Variants in IL1R1 observed in about 807,000 individuals in gnomAD.
The protein encoded by IL1R1 is interleukin-1 receptor type 1.
IL1R1 carries 22 observed loss-of-function variants against 50.2 expected under a neutral mutation model. That is an observed-to-expected ratio of 0.44 (90% CI 0.31 to 0.63). The LOEUF is 0.63. Among genes scored for constraint, IL1R1 ranks in the 20% least tolerant of loss-of-function variants. IL1R1 has a pLI of 0.07. For missense variants in IL1R1, 509 were observed against 676.2 expected, an observed-to-expected ratio of 0.75 and a Z score of 2.74; for synonymous variants, 251 against 236.7, an observed-to-expected ratio of 1.06 and a Z score of -0.55.
At chr2:102,103,541 G>A (rs1041794172), upstream of IL1R1, among the ~76,000 whole-genome samples, 37 of 152,208 alleles carry the variant, frequency 2.4e-4, 1 homozygote, top group Admixed American at 2.0e-3. Context: ...ACAGGAAAGT[G>A]TGTGAGACCA....
chr2:102,111,690 C>G (rs956186870), intron 1 of IL1R1, among the ~76,000 whole-genome samples: 24 of 152,088 alleles, frequency 1.6e-4, no homozygotes, highest in Non-Finnish European at 2.6e-4. Flanking sequence ...AGGAAGGGGA[C>G]AGTGAAGAGG....
intron 1 of IL1R1, among the ~76,000 whole-genome samples, chr2:102,071,315 G>T (rs1015005809): frequency 3.3e-5 from 5 of 151,940 alleles, no homozygotes; most frequent in African/African-American, 1.2e-4. Flanking sequence ...AACTAAATAG[G>T]GTGATATCAC....
intron 1 of IL1R1, among the ~76,000 whole-genome samples, chr2:102,145,859 C>G (rs532190336): frequency 1.3e-5 from 2 of 152,262 alleles, no homozygotes. Context: ...TTCAAAGCCC[C>G]CCAGGTAGCC....
upstream of IL1R1, among the ~76,000 whole-genome samples, chr2:102,102,216 A>G (rs899508718): frequency 5.9e-5 from 9 of 152,194 alleles, no homozygotes; most frequent in African/African-American, 1.9e-4. Flanking sequence ...ACCAGGAAGT[A>G]TGAGACAATG....
chr2:102,174,460 T>C (rs2104640387), intron 9 of IL1R1, 127 bp from the exon 10 acceptor site: 1 of 614,314 alleles, frequency 1.6e-6, no homozygotes, highest in Non-Finnish European at 2.7e-6. Flanking sequence ...TGAGTTAATA[T>C]TGTCTGAATG....
chr2:102,084,523 C>G (rs767791436), intron 1 of IL1R1, among the ~76,000 whole-genome samples: 3 of 152,114 alleles, frequency 2.0e-5, no homozygotes, highest in Non-Finnish European at 4.4e-5. Context: ...TCTTTTCAAA[C>G]TTTTAAATGA....
intron 1 of IL1R1, among the ~76,000 whole-genome samples, chr2:102,121,728 C>G (rs576297743): frequency 2.6e-5 from 4 of 152,258 alleles, no homozygotes; most frequent in Non-Finnish European, 5.9e-5. Context: ...TTTTTAAAAC[C>G]ACATTTTAAC....
chr2:102,144,315 A>C (rs558335561), intron 1 of IL1R1, among the ~76,000 whole-genome samples: 1 of 152,244 alleles, frequency 6.6e-6, no homozygotes, highest in South Asian at 2.1e-4. Context: ...CTGTGTGTGA[A>C]GCGTCTCCTG....
At chr2:102,089,096 A>C (rs1679550547) in intron 1 of IL1R1, among the ~76,000 whole-genome samples, 1 of 152,156 alleles carries the variant, frequency 6.6e-6, no homozygotes, top group African/African-American at 2.4e-5. Flanking sequence ...TAGCACTTTT[A>C]ATGTCCTTCA....
intron 1 of IL1R1, among the ~76,000 whole-genome samples, chr2:102,074,342 T>A (rs957425450): frequency 1.3e-5 from 2 of 152,152 alleles, no homozygotes; most frequent in Admixed American, 6.5e-5. Flanking sequence ...ACACGTCTGG[T>A]GCTTTGGTGA....
intron 3 of IL1R1, among the ~76,000 whole-genome samples, chr2:102,160,377 T>C (rs1029108525): frequency 6.6e-6 from 1 of 152,182 alleles, no homozygotes; most frequent in Non-Finnish European, 1.5e-5. Context: ...TTCTATTTCA[T>C]TGATTTCCTC....
intron 3 of IL1R1, among the ~76,000 whole-genome samples, chr2:102,160,182 G>A (rs184305498): frequency 3.3e-5 from 5 of 152,092 alleles, no homozygotes; most frequent in Admixed American, 6.5e-5. Context: ...TTTCATTTAC[G>A]TTATTAAATT....
chr2:102,174,785 A>C, intron 10 of IL1R1, 55 bp downstream of exon 10: 1 of 1,428,650 alleles, frequency 7.0e-7, no homozygotes, highest in South Asian at 1.3e-5. Flanking sequence ...GATAGTTAGG[A>C]GATGTAGAAG....
chr2:102,176,188 TA>T, intron 11 of IL1R1, 164 bp from the exon 12 acceptor site: 1 of 619,998 alleles, frequency 1.6e-6, no homozygotes, highest in Non-Finnish European at 2.7e-6. Flanking sequence ...GACTGTCTCT[TA>T]AAATTAATTA....
chr2:102,070,899 G>C (rs1678686736), intron 1 of IL1R1, among the ~76,000 whole-genome samples: 1 of 152,048 alleles, frequency 6.6e-6, no homozygotes, highest in Non-Finnish European at 1.5e-5. Context: ...GGTTGGGGTG[G>C]CTTGGGGAAG....
chr2:102,126,022 G>A (rs751066327), intron 1 of IL1R1, among the ~76,000 whole-genome samples: 2 of 152,206 alleles, frequency 1.3e-5, no homozygotes, highest in Non-Finnish European at 2.9e-5. Flanking sequence ...GGACTGATTA[G>A]AAGGTTTAGA....
intron 1 of IL1R1, among the ~76,000 whole-genome samples, chr2:102,145,238 G>T (rs558416930): frequency 6.6e-6 from 1 of 152,328 alleles, no homozygotes; most frequent in South Asian, 2.1e-4. Context: ...CCGTGAATGG[G>T]TGCTTGGTTT....
upstream of IL1R1, among the ~76,000 whole-genome samples, chr2:102,104,075 C>T (rs554496195): frequency 1.3e-5 from 2 of 151,140 alleles, 1 homozygote; most frequent in East Asian, 3.9e-4. Context: ...AAGCCAGAGG[C>T]TCCAGCTTTC....
chr2:102,082,417 C>T (rs752526791), intron 1 of IL1R1, among the ~76,000 whole-genome samples: 1 of 152,134 alleles, frequency 6.6e-6, no homozygotes, highest in Non-Finnish European at 1.5e-5. Context: ...TATAGTGCAT[C>T]TTGGAATGTT....
Sources: gnomAD v4.1 joint callset for allele counts (sites outside exome capture counted in the v4.1 genomes callset) on GRCh38, gnomAD v4.1.1 for gene constraint, MANE v1.5 for transcripts, NCBI Gene and HGNC (gene_info 2026-07-23, HGNC 2026-07-21) for gene names.